Variants in DTNBP1 observed in about 807,000 individuals in gnomAD.
DTNBP1 encodes the protein dysbindin.
A neutral mutation model predicts 42.8 loss-of-function variants in DTNBP1; 35 were observed. That is an observed-to-expected ratio of 0.82 (90% CI 0.63 to 1.09). DTNBP1 has a LOEUF of 1.09. Ranked by LOEUF, DTNBP1 falls within the 50% of genes least tolerant of loss-of-function variation. The pLI is 0.00. For synonymous variants in DTNBP1, 171 were observed against 162.2 expected, an observed-to-expected ratio of 1.05 and a Z score of -0.41; for missense variants, 457 against 424.2, an observed-to-expected ratio of 1.08 and a Z score of -0.68.
chr6:15,617,837 C>G (rs1758802698), intron 5 of DTNBP1, among the ~76,000 whole-genome samples: 1 of 151,790 alleles, frequency 6.6e-6, no homozygotes. Flanking sequence ...TGGAGAAGAC[C>G]TCAAGACACA....
chr6:15,528,550 G>T (rs1416485311), intron 8 of DTNBP1, among the ~76,000 whole-genome samples: 2 of 152,220 alleles, frequency 1.3e-5, no homozygotes, highest in African/African-American at 4.8e-5. Flanking sequence ...AGAGAGGCTT[G>T]AAGATTCCTG....
intron 3 of DTNBP1, among the ~76,000 whole-genome samples, chr6:15,642,839 A>G (rs1270999073): frequency 1.3e-5 from 2 of 152,220 alleles, no homozygotes; most frequent in Non-Finnish European, 1.5e-5. Flanking sequence ...TGGCAAATTC[A>G]AAATAAAAAG....
chr6:15,652,007 A>G (rs1031490279), intron 2 of DTNBP1, 80 bp downstream of exon 2: 4 of 1,241,528 alleles, frequency 3.2e-6, no homozygotes, highest in Admixed American at 3.5e-5. Context: ...GTTCATTAAT[A>G]TAACTACACA....
chr6:15,573,263 C>A lies in DTNBP1; in HGVS notation c.511+19796G>T, dbSNP rs1376512787. On this transcript the variant is annotated intron_variant, in intron 7 of 9. Coordinates refer to ENST00000344537, the MANE Select transcript of DTNBP1 (RefSeq NM_032122.5). ...CATTGTTCTTTTACATCTTTATCAC[C>A]ATATAGAAAATTTTTGATACATGAT... 2.0e-5 allele frequency among the ~76,000 whole-genome samples: 3 copies of A among 151,806 alleles called. No individual in the cohort carries two copies. The East Asian group carries it at 5.8e-4, about 29-fold the overall frequency.
At chr6:15,618,531 TAA>T (rs202049957) in intron 5 of DTNBP1, among the ~76,000 whole-genome samples, 6 of 131,660 alleles carry the variant, frequency 4.6e-5, no homozygotes, top group Admixed American at 7.5e-5. Flanking sequence ...CCCCTAAAAC[TAA>T]AAAAAAAAAA....
intron 8 of DTNBP1, among the ~76,000 whole-genome samples, chr6:15,531,940 G>A (rs558152055): frequency 6.6e-6 from 1 of 152,278 alleles, no homozygotes; most frequent in South Asian, 2.1e-4. Context: ...CCTCATTCTC[G>A]GATTTCTTTA....
chr6:15,645,723 G>A (rs1004839665), intron 3 of DTNBP1, among the ~76,000 whole-genome samples: 21 of 151,916 alleles, frequency 1.4e-4, no homozygotes, highest in African/African-American at 1.9e-4. Context: ...AAAGGCATTC[G>A]ATAAAATTCA....
At chr6:15,636,681 G>A (rs1760045457) in intron 4 of DTNBP1, among the ~76,000 whole-genome samples, 1 of 152,124 alleles carries the variant, frequency 6.6e-6, no homozygotes, top group Non-Finnish European at 1.5e-5. Flanking sequence ...AAAGTCCAAA[G>A]AGCTTTATCA....
chr6:15,572,831 A>C (rs1231879599), intron 7 of DTNBP1, among the ~76,000 whole-genome samples: 3 of 152,138 alleles, frequency 2.0e-5, no homozygotes, highest in African/African-American at 7.2e-5. Context: ...TCCCTGACGT[A>C]AGTGATCCTC....
intron 7 of DTNBP1, among the ~76,000 whole-genome samples, chr6:15,565,036 C>T (rs1373218012): frequency 6.6e-6 from 1 of 152,126 alleles, no homozygotes; most frequent in African/African-American, 2.4e-5. Flanking sequence ...AGCTCAGGAG[C>T]TTAAGGCTTC....
intron 6 of DTNBP1, among the ~76,000 whole-genome samples, chr6:15,602,665 A>C (rs990593613): frequency 1.3e-5 from 2 of 152,210 alleles, no homozygotes; most frequent in African/African-American, 4.8e-5. Context: ...ATAATGTACA[A>C]ACTATAATCA....
chr6:15,645,748 C>T (rs563351130), intron 3 of DTNBP1, among the ~76,000 whole-genome samples: 4 of 151,738 alleles, frequency 2.6e-5, no homozygotes, highest in African/African-American at 7.3e-5. Context: ...CCCTTCATAA[C>T]GAAAATCCTC....
chr6:15,588,807 C>T (rs1776181172), intron 7 of DTNBP1, among the ~76,000 whole-genome samples: 1 of 152,158 alleles, frequency 6.6e-6, no homozygotes, highest in South Asian at 2.1e-4. Context: ...CTGTTCTTTC[C>T]TCTTCCTGGA....
Position 15,524,574 on chromosome 6 carries a change from A to G in DTNBP1, c.763T>C (p.Phe255Leu), listed in dbSNP as rs144019618. The G allele has an allele frequency of 6.2e-7, 1 of 1,612,042 alleles. No homozygotes were observed. Among genetic ancestry groups the G allele is most frequent in the Non-Finnish European group, 8.5e-7 (1 of 1,178,872 alleles). Residue 255 changes from phenylalanine to leucine, a missense_variant, in exon 9 of 10, where the codon TTC becomes CTC. Transcript: ENST00000344537. ...DISDQEALDVFLNSGGEENTV... is the reference protein window; with the variant it reads ...DISDQEALDVLLNSGGEENTV... ...TTCTCTTCTCCTCCAGAGTTCAGGA[A>G]GACGTCCAGGGCCTCCTGGTCCGAT...
rs781704449 is a variant in DTNBP1, at chr6:15,662,854, G to A, written c.16C>T (p.Arg6Cys). 1.2e-6 allele frequency: 2 copies of A among 1,608,366 alleles called. No homozygotes were observed. Among genetic ancestry groups the A allele is most frequent in the African/African-American group, 2.7e-5 (2 of 74,864 alleles). Residue 6 changes from arginine to cysteine, a missense_variant, in exon 1 of 10, where the codon CGC becomes TGC. Arg to Cys is a radical substitution (Grantham distance 180, BLOSUM62 -3). Coordinates refer to ENST00000344537, the MANE Select transcript of DTNBP1 (RefSeq NM_032122.5). MLETL[R>C]ERLLSVQQDF... is the part of the protein sequence containing the mutation. ...TGCTGCACGCTCAGCAGCCGCTCGCGAAGGGTCTCCAGCATTGCCGCCGCC... is the reference window on the plus strand; with the variant it reads ...TGCTGCACGCTCAGCAGCCGCTCGCAAAGGGTCTCCAGCATTGCCGCCGCC...
chr6:15,650,540 C>T (rs773289073), intron 3 of DTNBP1, among the ~76,000 whole-genome samples: 2 of 152,098 alleles, frequency 1.3e-5, no homozygotes, highest in Non-Finnish European at 1.5e-5. Flanking sequence ...CCTCAGCCTC[C>T]CAAAGTGCTG....
At chr6:15,656,790 T>C (rs1319592094) in intron 1 of DTNBP1, among the ~76,000 whole-genome samples, 1 of 152,132 alleles carries the variant, frequency 6.6e-6, no homozygotes, top group Non-Finnish European at 1.5e-5. Context: ...AACAGAATGA[T>C]GCATTGAGTA....
Position 15,600,890 on chromosome 6 carries a change from T to C in DTNBP1, c.489-7809A>G, listed in dbSNP as rs565168472. Among the ~76,000 whole-genome samples, 25 of 152,332 alleles carry C rather than the reference T, an allele frequency of 1.6e-4. No individual in the cohort carries two copies. In the South Asian group the frequency reaches 4.8e-3, roughly 29 times the overall value. ...TAGCTGTGTAGGTGGCAACTGGTTC[T>C]GCAGGTAAGAAGAGAGACCTGCACT... On this transcript the variant is annotated intron_variant, in intron 6 of 9. Transcript: ENST00000344537.
Position 15,637,823 on chromosome 6 carries a change from T to A in DTNBP1, c.162-19A>T. ...CTCATACCTAAAAAAAAGCAAAAAA[T>A]AATTTGAAATGCAAACCACACATTA... On this transcript the variant is annotated intron_variant, in intron 3 of 9. Transcript: ENST00000344537. 1 of 1,608,532 alleles carries A rather than the reference T, an allele frequency of 6.2e-7. No individual in the cohort carries two copies. Among genetic ancestry groups the A allele is most frequent in the Non-Finnish European group, 8.5e-7 (1 of 1,178,120 alleles).
Sources: gnomAD v4.1 joint callset for allele counts (sites outside exome capture counted in the v4.1 genomes callset) on GRCh38, gnomAD v4.1.1 for gene constraint, MANE v1.5 for transcripts, NCBI Gene and HGNC (gene_info 2026-07-23, HGNC 2026-07-21) for gene names.